Variants in PDZD2 observed in about 807,000 individuals in gnomAD.
PDZD2 encodes the protein PDZ domain-containing protein 2.
In PDZD2, 90 loss-of-function variants were observed where a neutral mutation model predicts 220.7. That is an observed-to-expected ratio of 0.41 (90% CI 0.34 to 0.49). The LOEUF is 0.49. Ranked by LOEUF, PDZD2 falls within the 20% of genes least tolerant of loss-of-function variation. PDZD2 has a pLI of 0.28. For missense variants in PDZD2, 3,174 were observed against 3,608.5 expected, an observed-to-expected ratio of 0.88 and a Z score of 3.08; for synonymous variants, 1,375 against 1,450.5, an observed-to-expected ratio of 0.95 and a Z score of 1.18.
chr5:31,937,699 A>G (rs573290885), intron 2 of PDZD2, among the ~76,000 whole-genome samples: 4 of 152,264 alleles, frequency 2.6e-5, no homozygotes, highest in African/African-American at 9.6e-5. Context: ...TCTTTTAGAA[A>G]ACTTTTTCAC....
intron 2 of PDZD2, among the ~76,000 whole-genome samples, chr5:31,878,555 C>CTTTTTTTTTGTTTTTTT (rs1739534172): frequency 2.1e-5 from 1 of 48,198 alleles, no homozygotes; most frequent in Non-Finnish European, 3.7e-5. Flanking sequence ...ATGACCTCGG[C>CTTTTTTTTTGTTTTTTT]TTTTTTTTTT....
chr5:31,924,898 C>G (rs1490084027), intron 2 of PDZD2, among the ~76,000 whole-genome samples: 1 of 152,172 alleles, frequency 6.6e-6, no homozygotes, highest in African/African-American at 2.4e-5. Flanking sequence ...ACACTTGGAG[C>G]CTGTGCCTGA....
intron 20 of PDZD2, among the ~76,000 whole-genome samples, 197 bp downstream of exon 20, chr5:32,091,372 C>CCTCCCGGG (rs901926249): frequency 6.7e-6 from 1 of 149,452 alleles, no homozygotes; most frequent in African/African-American, 2.5e-5. Context: ...GCAACCTCTG[C>CCTCCCGGG]CTCCCGGGTT....
rs10056142 is a variant in PDZD2 at position 31,773,824 on chromosome 5, C to G, written c.-360-25065C>G. Among the ~76,000 whole-genome samples, 16 of 152,122 alleles carry G rather than the reference C, an allele frequency of 1.1e-4. No homozygotes were observed. In the South Asian group the frequency reaches 1.2e-3, roughly 12 times the overall value. On this transcript the variant is annotated intron_variant, in intron 1 of 24. Transcript: ENST00000438447. ...ACAAGTCACTTGGGCTCTCTGGGAC[C>G]GTGTTTACATATTTGTTAAATTGGG...
Position 31,799,318 on chromosome 5 carries a change from C to A in PDZD2, c.70C>A (p.Gln24Lys), listed in dbSNP as rs1206860602. The A allele has an allele frequency of 1.2e-6, 2 of 1,614,100 alleles. No individual in the cohort carries two copies. The highest frequency in any genetic ancestry group is 3.3e-5 in the Admixed American group (2 of 60,024). ...CTACCAGTGGCTGCAGAACAGCCTG[C>A]AGGAAGGTGGGGATGGGCCGGAGCA... ...LLYQWLQNSL[Q>K]EGGDGPEQRL... Residue 24 changes from glutamine to lysine, a missense_variant, in exon 2 of 25, where the codon CAG (glutamine) becomes AAG (lysine). Gln to Lys is a moderately conservative substitution (Grantham distance 53). Around this residue, in one of 4 missense-constraint regions of PDZD2, gnomAD observed 632 missense variants for 708.1 expected, o/e 0.89. Transcript: ENST00000438447.
intron 1 of PDZD2, among the ~76,000 whole-genome samples, chr5:31,723,628 A>AT (rs1001094993): frequency 6.6e-6 from 1 of 151,690 alleles, no homozygotes; most frequent in Non-Finnish European, 1.5e-5. Flanking sequence ...TATTTTTATT[A>AT]TTTTTTGAGA....
intron 6 of PDZD2, among the ~76,000 whole-genome samples, chr5:32,014,681 A>G (rs1581278119): frequency 7.7e-6 from 1 of 129,544 alleles, no homozygotes; most frequent in Non-Finnish European, 1.6e-5. Flanking sequence ...ATCTCTCTTC[A>G]TTTTCTGCTC....
intron 2 of PDZD2, among the ~76,000 whole-genome samples, chr5:31,906,445 A>T (rs28464393): frequency 2.0e-5 from 3 of 151,076 alleles, no homozygotes; most frequent in Non-Finnish European, 4.4e-5. Flanking sequence ...CCTGGGCTCA[A>T]GCAATCAGCC....
At chr5:32,022,001 C>A (rs1754233259) in intron 6 of PDZD2, among the ~76,000 whole-genome samples, 1 of 152,058 alleles carries the variant, frequency 6.6e-6, no homozygotes, top group African/African-American at 2.4e-5. Flanking sequence ...AGGCATTGTA[C>A]GAATCAATGC....
chr5:32,003,209 ATCACACACC>A (rs1752445182), intron 5 of PDZD2, among the ~76,000 whole-genome samples: 1 of 70,922 alleles, frequency 1.4e-5, no homozygotes, highest in Non-Finnish European at 2.5e-5. Flanking sequence ...CACCACACAC[ATCACACACC>A]CACACACCAA....
intron 2 of PDZD2, among the ~76,000 whole-genome samples, chr5:31,924,496 A>G (rs1402685091): frequency 6.6e-6 from 1 of 152,168 alleles, no homozygotes; most frequent in Non-Finnish European, 1.5e-5. Flanking sequence ...CCCCCAGCCC[A>G]TGGTGATAGG....
At chr5:31,774,607 T>C (rs1752530698) in intron 1 of PDZD2, among the ~76,000 whole-genome samples, 1 of 151,694 alleles carries the variant, frequency 6.6e-6, no homozygotes, top group Admixed American at 6.6e-5. Context: ...TCCCAGCTAT[T>C]TGGGAGGCTG....
intron 2 of PDZD2, among the ~76,000 whole-genome samples, chr5:31,804,919 C>T (rs903935917): frequency 2.6e-5 from 4 of 152,172 alleles, no homozygotes; most frequent in Admixed American, 2.0e-4. Flanking sequence ...CCCGGTCAGG[C>T]GTGGTGGCTC....
chr5:31,661,051 G>T (rs1195606130), intron 1 of PDZD2, among the ~76,000 whole-genome samples: 1 of 152,156 alleles, frequency 6.6e-6, no homozygotes, highest in Non-Finnish European at 1.5e-5. Context: ...AGTAATTCTT[G>T]TATCCAAGTG....
intron 3 of PDZD2, among the ~76,000 whole-genome samples, chr5:31,992,150 A>G (rs1254076106): frequency 1.3e-5 from 2 of 152,198 alleles, no homozygotes; most frequent in Non-Finnish European, 2.9e-5. Context: ...TTCCAAGGTG[A>G]GGAAACTTGC....
intron 2 of PDZD2, among the ~76,000 whole-genome samples, chr5:31,814,485 A>C (rs187585757): frequency 6.6e-6 from 1 of 152,324 alleles, no homozygotes; most frequent in East Asian, 1.9e-4. Flanking sequence ...GGTGGATTCA[A>C]AGATTTTCTG....
chr5:31,883,023 C>CAAAAAA (rs781370177), intron 2 of PDZD2, among the ~76,000 whole-genome samples: 16 of 47,948 alleles, frequency 3.3e-4, no homozygotes, highest in African/African-American at 9.8e-4. Context: ...GACTCTGTCT[C>CAAAAAA]AAAAAAAAAA....
intron 6 of PDZD2, among the ~76,000 whole-genome samples, chr5:32,034,676 C>G (rs564501666): frequency 6.6e-6 from 1 of 152,260 alleles, no homozygotes; most frequent in East Asian, 1.9e-4. Context: ...ATTTAACTCA[C>G]TCTCTGGTAA....
intron 2 of PDZD2, among the ~76,000 whole-genome samples, chr5:31,966,808 T>C (rs913041890): frequency 6.6e-6 from 1 of 152,172 alleles, no homozygotes; most frequent in African/African-American, 2.4e-5. Context: ...GTCACAGAAC[T>C]TAGCAAGCCA....
Sources: gnomAD v4.1 joint callset for allele counts (sites outside exome capture counted in the v4.1 genomes callset) on GRCh38, gnomAD v4.1.1 for gene constraint, gnomAD v4.1.1 regional missense constraint, MANE v1.5 for transcripts, NCBI Gene and HGNC (gene_info 2026-07-23, HGNC 2026-07-21) for gene names.